The following MLIP variants were observed in gnomAD, a reference collection of about 807,000 sequenced individuals.
The protein encoded by MLIP is muscular LMNA-interacting protein.
MLIP carries 79 observed loss-of-function variants against 84.8 expected under a neutral mutation model. The ratio of observed to expected loss-of-function variants is 0.93; its 90% CI spans 0.78 to 1.12. The LOEUF (loss-of-function observed/expected upper bound fraction) is 1.12, where lower values mean the gene tolerates loss of function less well. MLIP is among the 50% of genes most tolerant of loss of function. The pLI is 0.00. For missense variants in MLIP, 1,257 were observed against 1,160.6 expected, an observed-to-expected ratio of 1.08 and a Z score of -1.21; for synonymous variants, 504 against 463.0, an observed-to-expected ratio of 1.09 and a Z score of -1.14.
At chr6:54,209,209 C>T (rs1779248494) in intron 11 of MLIP, among the ~76,000 whole-genome samples, 1 of 152,106 alleles carries the variant, frequency 6.6e-6, no homozygotes, top group Admixed American at 6.5e-5. Flanking sequence ...AGATGAGTTA[C>T]ATGAAGATAA....
intron 3 of MLIP, among the ~76,000 whole-genome samples, chr6:54,132,773 C>A (rs1771488834): frequency 6.6e-6 from 1 of 152,110 alleles, no homozygotes; most frequent in Admixed American, 6.5e-5. Flanking sequence ...CTCAGCCAGC[C>A]CATATGTGAA....
intron 1 of MLIP, among the ~76,000 whole-genome samples, chr6:54,057,312 T>C (rs1004930308): frequency 6.6e-6 from 1 of 152,214 alleles, no homozygotes. Flanking sequence ...TTGGAAGGTT[T>C]CTAAGTTCAG....
At chr6:54,215,242 C>T (rs1478715954) in intron 11 of MLIP, 1 of 1,512,584 alleles carries the variant, frequency 6.6e-7, no homozygotes, top group Non-Finnish European at 8.8e-7. Context: ...TTACTGTAGC[C>T]TTTGACTTTC....
chr6:54,054,922 C>T (rs1448049622), intron 1 of MLIP, among the ~76,000 whole-genome samples: 1 of 150,984 alleles, frequency 6.6e-6, no homozygotes, highest in East Asian at 1.9e-4. Flanking sequence ...GAGTCTCGCT[C>T]TGTCGCCCAG....
Position 54,266,087 on chromosome 6 carries a change from C to A in MLIP, c.*132C>A. 2.7e-5 allele frequency: 24 copies of A among 873,354 alleles called. No individual in the cohort carries two copies. Among genetic ancestry groups the A allele is most frequent in the African/African-American group, 5.2e-5 (3 of 57,726 alleles). 54.1% of individuals were successfully genotyped at this position (873,354 alleles called of 1,614,324 possible). A position where few individuals can be genotyped will look rare whatever the true frequency, so the allele number is the denominator to read the frequency against. The stretch of plus-strand genomic sequence containing the variant: ...CTTTATGAGCTGCAGTGCAGCAGAA[C>A]CAAAAAAAAAGTTTGCTGCAATTAT... On this transcript the variant is annotated 3_prime_UTR_variant, in exon 14 of 14. Transcript: ENST00000502396.
intron 12 of MLIP, among the ~76,000 whole-genome samples, chr6:54,249,952 C>A (rs566480662): frequency 6.6e-6 from 1 of 151,902 alleles, no homozygotes; most frequent in Non-Finnish European, 1.5e-5. Context: ...ATCCTCCCAC[C>A]CTCCACCCTC....
chr6:54,147,189 T>C (rs1772936680), intron 4 of MLIP, among the ~76,000 whole-genome samples: 1 of 152,164 alleles, frequency 6.6e-6, no homozygotes, highest in African/African-American at 2.4e-5. Flanking sequence ...AGGTATTCTT[T>C]GGAAGAAAAT....
intron 3 of MLIP, among the ~76,000 whole-genome samples, chr6:54,132,868 G>T (rs1771499681): frequency 6.6e-6 from 1 of 152,138 alleles, no homozygotes; most frequent in Admixed American, 6.5e-5. Flanking sequence ...AGGATGGTTT[G>T]CAAAATAGGT....
In MLIP at chr6:54,125,761, T is replaced by C. The variant is rs1770872076; in HGVS notation, c.645+896T>C. On this transcript the variant is annotated intron_variant, in intron 3 of 13. Transcript: ENST00000502396. ...CCCAGATGTCCCATTTAGGATCTAA[T>C]AGACCAGGCATTTGCAATCAACCCA... Among the ~76,000 whole-genome samples the C allele has an allele frequency of 2.0e-5, 3 of 152,270 alleles. No homozygotes were observed. In the South Asian group the frequency reaches 6.2e-4, roughly 32 times the overall value.
chr6:54,022,911 T>TA (rs1763578111), intron 1 of MLIP, among the ~76,000 whole-genome samples: 1 of 152,160 alleles, frequency 6.6e-6, no homozygotes, highest in African/African-American at 2.4e-5. Context: ...CTCATGCCTG[T>TA]AATCCCAGCA....
intron 1 of MLIP, among the ~76,000 whole-genome samples, chr6:54,118,192 A>C (rs4521576): frequency 0.56 from 85,443 of 152,096 alleles, 25,654 homozygotes; most frequent in South Asian, 0.71. Flanking sequence ...GGAACTACAC[A>C]AGAGCCTGAA....
intron 1 of MLIP, among the ~76,000 whole-genome samples, chr6:54,117,963 ACAACAG>A (rs1221092392): frequency 1.6e-5 from 2 of 128,826 alleles, no homozygotes; most frequent in Non-Finnish European, 3.3e-5. Flanking sequence ...AACAACAACA[ACAACAG>A]CAACAACAAC....
Position 54,160,907 on chromosome 6 carries a change from AT to A in MLIP, c.2499+109del, listed in dbSNP as rs1774570703. 13 of 835,772 alleles carry A rather than the reference AT, an allele frequency of 1.6e-5. No homozygotes were observed. In the South Asian group the frequency reaches 2.1e-4, roughly 14 times the overall value. 51.8% of individuals were successfully genotyped at this position (835,772 alleles called of 1,614,324 possible). A position where few individuals can be genotyped will look rare whatever the true frequency, so the allele number is the denominator to read the frequency against. The stretch of plus-strand genomic sequence containing the variant: ...GTGAATTGAGAAATAAATTTAGTGA[AT>A]AGCAATCAGTCTTTTTTGTAGAATT... On this transcript the variant is annotated intron_variant, in intron 8 of 13. Coordinates refer to ENST00000502396, the MANE Select transcript of MLIP (RefSeq NM_001281747.2).
chr6:54,078,711 A>ATTTTT, intron 1 of MLIP, among the ~76,000 whole-genome samples: 1 of 117,762 alleles, frequency 8.5e-6, no homozygotes, highest in Admixed American at 1.0e-4. Flanking sequence ...TTTTTTTGAG[A>ATTTTT]TGGAGTCTCG....
intron 1 of MLIP, among the ~76,000 whole-genome samples, chr6:54,048,535 A>G (rs1308660192): frequency 1.3e-5 from 2 of 152,190 alleles, no homozygotes; most frequent in Non-Finnish European, 2.9e-5. Context: ...GCATAACTGC[A>G]ACTGGCTTCG....
At chr6:54,040,528 A>G (rs1309244142) in intron 1 of MLIP, among the ~76,000 whole-genome samples, 1 of 152,084 alleles carries the variant, frequency 6.6e-6, no homozygotes, top group Non-Finnish European at 1.5e-5. Context: ...AACTTAAAAC[A>G]GAACTACCTT....
intron 1 of MLIP, among the ~76,000 whole-genome samples, chr6:54,100,804 T>C (rs1768588948): frequency 6.6e-6 from 1 of 152,134 alleles, no homozygotes; most frequent in African/African-American, 2.4e-5. Flanking sequence ...CCTTCATGGA[T>C]GATTGCATGT....
chr6:54,130,112 T>C (rs1232046092), intron 3 of MLIP, among the ~76,000 whole-genome samples: 3 of 152,156 alleles, frequency 2.0e-5, no homozygotes, highest in Admixed American at 6.5e-5. Flanking sequence ...GGAGAATTTT[T>C]ATGAATCAGT....
intron 3 of MLIP, among the ~76,000 whole-genome samples, chr6:54,126,574 G>C (rs1770936353): frequency 6.6e-6 from 1 of 151,610 alleles, no homozygotes; most frequent in Non-Finnish European, 1.5e-5. Context: ...CATTGCTCTT[G>C]TTTCCATTTC....
Sources: gnomAD v4.1 joint callset for allele counts (sites outside exome capture counted in the v4.1 genomes callset) on GRCh38, gnomAD v4.1.1 for gene constraint, MANE v1.5 for transcripts, NCBI Gene and HGNC (gene_info 2026-07-23, HGNC 2026-07-21) for gene names.